The following SLCO3A1 variants were observed in gnomAD, a reference collection of about 807,000 sequenced individuals.
The protein encoded by SLCO3A1 is solute carrier organic anion transporter family member 3A1, also known as PGE1 transporter.
In SLCO3A1, 27 loss-of-function variants were observed where a neutral mutation model predicts 63.1. The observed-to-expected ratio is 0.43, with a 90% CI of 0.32 to 0.59. SLCO3A1 has a LOEUF of 0.59. Ranked by LOEUF, SLCO3A1 falls within the 20% of genes least tolerant of loss-of-function variation. The pLI is 0.09. For missense variants in SLCO3A1, 773 were observed against 945.8 expected, an observed-to-expected ratio of 0.82 and a Z score of 2.40; for synonymous variants, 473 against 409.9, an observed-to-expected ratio of 1.15 and a Z score of -1.86.
intron 2 of SLCO3A1, among the ~76,000 whole-genome samples, chr15:92,014,839 GAC>G (rs2046407995): frequency 6.6e-6 from 1 of 152,098 alleles, no homozygotes; most frequent in Non-Finnish European, 1.5e-5. Flanking sequence ...TTGGCAAGGA[GAC>G]AGAGTAGGCA....
chr15:91,940,875 C>G (rs1899596775), intron 2 of SLCO3A1, among the ~76,000 whole-genome samples: 1 of 152,168 alleles, frequency 6.6e-6, no homozygotes, highest in African/African-American at 2.4e-5. Flanking sequence ...TCCTAACCAC[C>G]CCAGCATTTC....
chr15:92,164,538 G>A lies in SLCO3A1; in HGVS notation c.*1403G>A, dbSNP rs541237069. ...GAGACACTCTTAGATGTGGGTTTGTGTGTATGGGTGCAACACTTCCGGGGA... is the reference window on the plus strand; with the variant it reads ...GAGACACTCTTAGATGTGGGTTTGTATGTATGGGTGCAACACTTCCGGGGA... On this transcript the variant is annotated 3_prime_UTR_variant, in exon 10 of 10. Transcript: ENST00000318445. 8.4e-4 allele frequency: 828 copies of A among 985,412 alleles called. 3 individuals are homozygous for A. In the African/African-American group the frequency reaches 0.014, roughly 17 times the overall value. The allele number at this position is 985,412 out of a possible 1,614,324, so 61.0% of individuals were successfully genotyped here.
chr15:92,102,940 C>T (rs375480519), intron 3 of SLCO3A1, among the ~76,000 whole-genome samples: 71 of 152,178 alleles, frequency 4.7e-4, no homozygotes, highest in African/African-American at 1.6e-3. Context: ...GCCTCAGTTA[C>T]TCCATCTATA....
intron 2 of SLCO3A1, among the ~76,000 whole-genome samples, chr15:91,926,608 C>CGCCCAT (rs1555450207): frequency 1.2e-5 from 1 of 84,336 alleles, no homozygotes; most frequent in Non-Finnish European, 2.4e-5. Flanking sequence ...CGCGCGCGCA[C>CGCCCAT]GCCCATGCTT....
intron 1 of SLCO3A1, among the ~76,000 whole-genome samples, chr15:91,904,668 A>G (rs1442377135): frequency 6.6e-6 from 1 of 152,106 alleles, no homozygotes; most frequent in Non-Finnish European, 1.5e-5. Context: ...GTGAGTTCTT[A>G]TGGTTCGTGG....
chr15:92,164,183 CTTTTTTTCTCCTT>C lies in SLCO3A1; in HGVS notation c.*1053_*1065del. ...GGATTTATTATGCTGGTTGCTTTTA[CTTTTTTTCTCCTT>C]TTTTAATGCACCAAAAATATGTGAT... On this transcript the variant is annotated 3_prime_UTR_variant, in exon 10 of 10. Transcript: ENST00000318445. The C allele has an allele frequency of 1.0e-6, 1 of 985,216 alleles. No homozygotes were observed. The highest frequency in any genetic ancestry group is 1.2e-6 in the Non-Finnish European group (1 of 829,810). 61.0% of individuals were successfully genotyped at this position (985,216 alleles called of 1,614,324 possible).
At chr15:91,936,174 A>G (rs1162477411) in intron 2 of SLCO3A1, among the ~76,000 whole-genome samples, 1 of 152,240 alleles carries the variant, frequency 6.6e-6, no homozygotes, top group Non-Finnish European at 1.5e-5. Flanking sequence ...AGTGACATGA[A>G]TAGGTGCCAT....
intron 1 of SLCO3A1, among the ~76,000 whole-genome samples, chr15:91,915,402 G>A (rs1391054404): frequency 1.3e-5 from 2 of 152,220 alleles, no homozygotes; most frequent in African/African-American, 4.8e-5. Flanking sequence ...TTACCTGATG[G>A]CCTCTGGGGA....
chr15:91,903,862 A>G (rs967852877), intron 1 of SLCO3A1, among the ~76,000 whole-genome samples: 3 of 152,222 alleles, frequency 2.0e-5, no homozygotes, highest in Admixed American at 6.5e-5. Flanking sequence ...GGAGGATGGC[A>G]GTGACAAGAA....
intron 2 of SLCO3A1, among the ~76,000 whole-genome samples, chr15:92,002,361 C>A (rs556864088): frequency 7.9e-5 from 12 of 152,282 alleles, no homozygotes; most frequent in Non-Finnish European, 1.3e-4. Flanking sequence ...TCTGGAAAGG[C>A]CCTTGAACAA....
intron 1 of SLCO3A1, among the ~76,000 whole-genome samples, chr15:91,904,755 G>A (rs1898252761): frequency 6.6e-6 from 1 of 152,120 alleles, no homozygotes; most frequent in South Asian, 2.1e-4. Flanking sequence ...GCATATAGGA[G>A]GATGCTATTT....
chr15:91,971,579 A>G (rs1900874308), intron 2 of SLCO3A1, among the ~76,000 whole-genome samples: 1 of 151,934 alleles, frequency 6.6e-6, no homozygotes, highest in Non-Finnish European at 1.5e-5. Flanking sequence ...TAAGCACAGG[A>G]CACCTGTGAT....
intron 2 of SLCO3A1, among the ~76,000 whole-genome samples, chr15:91,964,454 G>A (rs1424699164): frequency 2.6e-5 from 4 of 151,760 alleles, no homozygotes; most frequent in South Asian, 4.2e-4. Context: ...ATGCTCAGGT[G>A]ACTCCAGAAC....
chr15:91,963,287 A>G (rs1900519330), intron 2 of SLCO3A1, among the ~76,000 whole-genome samples: 1 of 151,882 alleles, frequency 6.6e-6, no homozygotes, highest in African/African-American at 2.4e-5. Context: ...TCAGCTTTTA[A>G]TATTTAACTT....
rs527684485 is a variant in SLCO3A1, at chr15:91,865,686, G to T, written c.180+11598G>T. Among the ~76,000 whole-genome samples the T allele has an allele frequency of 6.6e-6, 1 of 152,060 alleles. No individual in the cohort carries two copies. Among genetic ancestry groups the T allele is most frequent in the Non-Finnish European group, 1.5e-5 (1 of 68,026 alleles). ...TGCTGTCACATGGTGTTTCCCCCGC[G>T]TCTCTCTCTCTTCTTCTTCTAAGGA... is the stretch of plus-strand genomic sequence containing the variant. On this transcript the variant is annotated intron_variant, in intron 1 of 9. Coordinates refer to ENST00000318445, the MANE Select transcript of SLCO3A1 (RefSeq NM_013272.4). The surrounding 1 kb of genome is among the most constrained non-coding windows in gnomAD (Gnocchi z 4.6).
In SLCO3A1 at chr15:91,935,741, C is replaced by T. The variant is rs560588576; in HGVS notation, c.646+19283C>T. On this transcript the variant is annotated intron_variant, in intron 2 of 9. Coordinates refer to ENST00000318445, the MANE Select transcript of SLCO3A1 (RefSeq NM_013272.4). ...CACCTGCGTTGCAGAGACTGAGTTG[C>T]TGAGCAGGTATCTGTGCCTATATGT... Among the ~76,000 whole-genome samples, 13 of 152,286 alleles carry T rather than the reference C, an allele frequency of 8.5e-5. No homozygotes were observed. The East Asian group carries it at 2.5e-3, about 29-fold the overall frequency.
intron 9 of SLCO3A1, among the ~76,000 whole-genome samples, chr15:92,151,635 A>G (rs892254329): frequency 6.6e-6 from 1 of 152,170 alleles, no homozygotes; most frequent in Non-Finnish European, 1.5e-5. Context: ...GGCTGGGCTG[A>G]CGCTGGGCCT....
At position 92,004,234 on chromosome 15, in the gene SLCO3A1, G is replaced by T. The variant is rs781592339; in HGVS notation, c.646+87776G>T. Reference sequence around the variant, plus strand: ...TTTTTGGAGCTGACAGACCTGGACAGGTTCTAGGCTGTGCCACCTGCTAGC... The same window carrying T: ...TTTTTGGAGCTGACAGACCTGGACATGTTCTAGGCTGTGCCACCTGCTAGC... On this transcript the variant is annotated intron_variant, in intron 2 of 9. Transcript: ENST00000318445. 9.8e-5 allele frequency among the ~76,000 whole-genome samples: 15 copies of T among 152,318 alleles called. No individual in the cohort carries two copies. The South Asian group carries it at 2.5e-3, about 25-fold the overall frequency.
chr15:91,920,850 A>G (rs1031118506), intron 2 of SLCO3A1, among the ~76,000 whole-genome samples: 1 of 152,128 alleles, frequency 6.6e-6, no homozygotes. Flanking sequence ...CTAACCTTTC[A>G]TGGGTAGGCG....
Sources: gnomAD v4.1 joint callset for allele counts (sites outside exome capture counted in the v4.1 genomes callset) on GRCh38, gnomAD v4.1.1 for gene constraint, Gnocchi (gnomAD v3.1) non-coding constraint, MANE v1.5 for transcripts, NCBI Gene and HGNC (gene_info 2026-07-23, HGNC 2026-07-21) for gene names.